Variants in TNNT3 observed in about 807,000 individuals in gnomAD.
TNNT3 encodes troponin T3, fast skeletal type, also known as troponin T, fast skeletal muscle.
In TNNT3, 36 loss-of-function variants were observed where a neutral mutation model predicts 54.2. The ratio of observed to expected loss-of-function variants is 0.66; its 90% CI spans 0.51 to 0.88. TNNT3 has a LOEUF of 0.88. Among genes scored for constraint, TNNT3 ranks in the 40% least tolerant of loss-of-function variants. The pLI, the probability that TNNT3 is intolerant of heterozygous loss-of-function variation, is 0.00. For missense variants in TNNT3, 291 were observed against 331.6 expected (o/e 0.88, Z 0.95); for synonymous variants, 120 against 109.7 (o/e 1.09, Z -0.59).
At chr11:1,936,207 T>G (rs1368503954) in intron 14 of TNNT3, 2 of 1,613,846 alleles carry the variant, frequency 1.2e-6, no homozygotes, top group Admixed American at 3.3e-5. Flanking sequence ...CATCTTGGTC[T>G]TTCTAGATCA....
intron 9 of TNNT3, among the ~76,000 whole-genome samples, 168 bp from the exon 10 acceptor site, chr11:1,933,553 A>G (rs1480850156): frequency 2.6e-5 from 4 of 152,204 alleles, no homozygotes; most frequent in Admixed American, 6.5e-5. Context: ...AGCCATGGCA[A>G]TGTGGAGAAG....
intron 1 of TNNT3, among the ~76,000 whole-genome samples, chr11:1,920,468 C>T (rs1849843144): frequency 6.7e-6 from 1 of 150,114 alleles, no homozygotes; most frequent in African/African-American, 2.5e-5. Context: ...CTCGTAAGAG[C>T]CCCCACCCAC....
chr11:1,931,168 T>C (rs907269947), intron 8 of TNNT3, among the ~76,000 whole-genome samples: 5 of 152,226 alleles, frequency 3.3e-5, no homozygotes, highest in African/African-American at 9.6e-5. Flanking sequence ...ATTCCATCAA[T>C]TGGACAAACC....
At chr11:1,927,257 C>T (rs890731737) in intron 6 of TNNT3, among the ~76,000 whole-genome samples, 2 of 152,206 alleles carry the variant, frequency 1.3e-5, no homozygotes, top group Non-Finnish European at 2.9e-5. Context: ...TGCAAAGGCC[C>T]AGTCAGGTCC....
At position 1,937,636 on chromosome 11, in the gene TNNT3, C is replaced by T. The variant is rs534159148; in HGVS notation, c.722+633C>T. ...AGCTGCACAGCCAGTGCCATTTCCC[C>T]AAGGATCGCAGTGTTTGGGGGCTAC... On this transcript the variant is annotated intron_variant, in intron 15 of 15. Coordinates refer to ENST00000278317, the MANE Select transcript of TNNT3 (RefSeq NM_006757.4). Among the ~76,000 whole-genome samples the T allele has an allele frequency of 1.7e-3, 255 of 152,292 alleles. 1 individual carries two copies. Among genetic ancestry groups the T allele is most frequent in the African/African-American group, 5.8e-3 (241 of 41,558 alleles).
intron 4 of TNNT3, among the ~76,000 whole-genome samples, chr11:1,923,993 G>A (rs1418860811): frequency 6.6e-6 from 1 of 150,986 alleles, no homozygotes; most frequent in Non-Finnish European, 1.5e-5. Flanking sequence ...GCATCTCAGA[G>A]TCTCTCCATC....
chr11:1,923,021 CTT>C (rs1242484406), intron 2 of TNNT3, 25 bp from the exon 3 acceptor site: 1 of 1,613,912 alleles, frequency 6.2e-7, no homozygotes, highest in Admixed American at 1.7e-5. Flanking sequence ...CTCTCTCTTT[CTT>C]TCTCTCTCTC....
Position 1,934,539 on chromosome 11 carries a change from G to A in TNNT3, c.481-7G>A, listed in dbSNP as rs549230228. On this transcript the variant is annotated splice_polypyrimidine_tract_variant and splice_region_variant and intron_variant, in intron 12 of 15. Transcript: ENST00000278317. Reference sequence around the variant, plus strand: ...CAGGCCCCTCTCTTTGGGCCTGTCCGCTGCAGGCTGACCAGAAGAGAGGCA... The same window carrying A: ...CAGGCCCCTCTCTTTGGGCCTGTCCACTGCAGGCTGACCAGAAGAGAGGCA... 22 of 1,607,638 alleles carry A rather than the reference G, an allele frequency of 1.4e-5. No individual in the cohort carries two copies. In the South Asian group the frequency reaches 1.4e-4, roughly 11 times the overall value.
chr11:1,929,807 C>G lies in TNNT3; in HGVS notation c.107-3C>G. ...CTCCCTACGCTGGTGCTGTGTGGACCAGAGGAGAAACCGAGACCCAAGTGA... is the reference window on the plus strand; with the variant it reads ...CTCCCTACGCTGGTGCTGTGTGGACGAGAGGAGAAACCGAGACCCAAGTGA... On this transcript the variant is annotated splice_polypyrimidine_tract_variant and splice_region_variant and intron_variant, in intron 7 of 15. Transcript: ENST00000278317. The G allele has an allele frequency of 6.4e-7, 1 of 1,551,600 alleles. No homozygotes were observed. Among genetic ancestry groups the G allele is most frequent in the Non-Finnish European group, 8.7e-7 (1 of 1,147,112 alleles).
At chr11:1,937,087 G>C (rs1029028957) in intron 15 of TNNT3, 84 bp downstream of exon 15, 3 of 1,420,310 alleles carry the variant, frequency 2.1e-6, no homozygotes, top group East Asian at 4.9e-5. Context: ...AACAAGGGCC[G>C]GTGGTGGCTG....
chr11:1,938,388 G>T, intron 15 of TNNT3, 50 bp from the exon 16 acceptor site: 1 of 1,591,540 alleles, frequency 6.3e-7, no homozygotes, highest in Non-Finnish European at 8.6e-7. Flanking sequence ...ACCAGGAGGG[G>T]CATGGCCAGA....
Position 1,925,100 on chromosome 11 carries a change from G to A in TNNT3, c.51G>A (p.Glu17=), listed in dbSNP as rs1261288868. The A allele has an allele frequency of 3.1e-6, 5 of 1,612,818 alleles. No homozygotes were observed. Among genetic ancestry groups the A allele is most frequent in the Non-Finnish European group, 4.2e-6 (5 of 1,179,940 alleles). The change falls in exon 5 of 16, where the codon GAG becomes GAA. Residue 17 remains glutamate, a splice_region_variant and synonymous_variant. Transcript: ENST00000278317. ...GCTCCTGGCTTCTCCGGCTCTCAGA[G>A]GAAGCCCAGGAGGAAGGTAAGTGGG... ...EQVEEQYEEE[E]EAQEEEEVQE... is the part of the protein sequence containing the mutation.
intron 14 of TNNT3, 148 bp downstream of exon 14, chr11:1,935,067 C>G (rs1854572320): frequency 1.3e-6 from 1 of 774,382 alleles, no homozygotes; most frequent in African/African-American, 1.7e-5. Flanking sequence ...TGCCACGGAC[C>G]CCTGGCTGAG....
intron 4 of TNNT3, 74 bp from the exon 5 acceptor site, chr11:1,925,025 A>G: frequency 6.4e-7 from 1 of 1,569,062 alleles, no homozygotes. Flanking sequence ...GCCTGAGTAC[A>G]CTCTGATCAC....
At chr11:1,925,227 C>A in intron 5 of TNNT3, 111 bp downstream of exon 5, 6 of 1,607,936 alleles carry the variant, frequency 3.7e-6, no homozygotes, top group Non-Finnish European at 5.1e-6. Context: ...CCTGTCTAAC[C>A]CTCTCCTCTC....
At chr11:1,926,806 C>T in intron 6 of TNNT3, 97 bp downstream of exon 6, 1 of 1,526,682 alleles carries the variant, frequency 6.6e-7, no homozygotes, top group Non-Finnish European at 9.0e-7. Flanking sequence ...TGACGTTTGC[C>T]ACCAACAACT....
intron 9 of TNNT3, 120 bp from the exon 10 acceptor site, chr11:1,933,601 C>T: frequency 1.3e-6 from 1 of 776,862 alleles, no homozygotes; most frequent in Non-Finnish European, 2.3e-6. Context: ...TTCATGGTGG[C>T]CAAGGGAGTC....
At chr11:1,922,049 G>T (rs1850228517) in intron 1 of TNNT3, among the ~76,000 whole-genome samples, 1 of 152,224 alleles carries the variant, frequency 6.6e-6, no homozygotes, top group Non-Finnish European at 1.5e-5. Flanking sequence ...AGGGAAATGG[G>T]GGGGCTGTTC....
intron 11 of TNNT3, 108 bp from the exon 12 acceptor site, chr11:1,934,224 G>A: frequency 8.7e-7 from 1 of 1,144,094 alleles, no homozygotes; most frequent in Non-Finnish European, 1.3e-6. Flanking sequence ...CTAAGCCCAG[G>A]GTGGGCCCTT....
Sources: allele counts gnomAD v4.1 joint callset (sites outside exome capture counted in the v4.1 genomes callset), GRCh38; gene constraint gnomAD v4.1.1; transcripts MANE v1.5; gene names NCBI Gene and HGNC (gene_info 2026-07-23, HGNC 2026-07-21).